CSMD1: variants seen among roughly 807,000 people sequenced by gnomAD.
CSMD1 encodes the protein CUB and sushi domain-containing protein 1.
In CSMD1, 213 loss-of-function variants were observed where a neutral mutation model predicts 417.5. The ratio of observed to expected loss-of-function variants is 0.51; its 90% confidence interval spans 0.46 to 0.57. The LOEUF (loss-of-function observed/expected upper bound fraction) is 0.57. Ranked by LOEUF, CSMD1 falls within the 20% of genes least tolerant of loss-of-function variation. The pLI is 0.00. For synonymous variants in CSMD1, 2,862 were observed against 1,736.8 expected (o/e 1.65, Z -16.11); for missense variants, 6,923 against 4,529.7 (o/e 1.53, Z -15.17).
chr8:4,067,798 G>A (rs186245894), intron 3 of CSMD1, among the ~76,000 whole-genome samples: 1 of 152,156 alleles, frequency 6.6e-6, no homozygotes, highest in East Asian at 1.9e-4. Flanking sequence ...CTAAAATGGG[G>A]CCAGATACAG....
chr8:4,229,153 T>G (rs1323820149), intron 3 of CSMD1, among the ~76,000 whole-genome samples: 1 of 152,302 alleles, frequency 6.6e-6, no homozygotes, highest in East Asian at 1.9e-4. Flanking sequence ...CTTTTTCTAT[T>G]TGGGCAGGAC....
chr8:4,477,090 G>A (rs1265717258), intron 2 of CSMD1, among the ~76,000 whole-genome samples: 1 of 152,204 alleles, frequency 6.6e-6, no homozygotes, highest in Non-Finnish European at 1.5e-5. Flanking sequence ...AAGAGCAGGT[G>A]TGAGCACTCC....
At chr8:2,964,270 T>C (rs544299632) in intron 59 of CSMD1, among the ~76,000 whole-genome samples, 21 of 152,340 alleles carry the variant, frequency 1.4e-4, no homozygotes, top group African/African-American at 4.1e-4. Flanking sequence ...AAATCACATG[T>C]GCACACCCAA....
chr8:4,229,127 G>C (rs1164640736), intron 3 of CSMD1, among the ~76,000 whole-genome samples: 1 of 152,160 alleles, frequency 6.6e-6, no homozygotes, highest in Non-Finnish European at 1.5e-5. Context: ...TTCCCAGCTT[G>C]CTAGAGAATA....
intron 39 of CSMD1, among the ~76,000 whole-genome samples, chr8:3,152,328 A>G (rs975890810): frequency 6.6e-6 from 1 of 152,236 alleles, no homozygotes; most frequent in Non-Finnish European, 1.5e-5. Context: ...ATCTTTGATC[A>G]TTTGTAGCCT....
intron 54 of CSMD1, among the ~76,000 whole-genome samples, chr8:2,986,286 C>T (rs1336429554): frequency 6.6e-6 from 1 of 152,126 alleles, no homozygotes; most frequent in Non-Finnish European, 1.5e-5. Flanking sequence ...CTCTCAAAAA[C>T]CTATGAAGAG....
rs570270281 is a variant in CSMD1 at position 4,147,299 on chromosome 8, C to T, written c.416-115200G>A. Among the ~76,000 whole-genome samples, 4 of 152,240 alleles carry T rather than the reference C, an allele frequency of 2.6e-5. No individual in the cohort carries two copies. The South Asian group carries it at 8.3e-4, about 32-fold the overall frequency. On this transcript the variant is annotated intron_variant, in intron 3 of 69. Coordinates refer to ENST00000635120, the MANE Select transcript of CSMD1 (RefSeq NM_033225.6). ...GCGTAATTCCATACAAAGTTCCCAGCGGGGAAGGGGAAGCCTTCTGTATGC... is the reference window on the plus strand; with the variant it reads ...GCGTAATTCCATACAAAGTTCCCAGTGGGGAAGGGGAAGCCTTCTGTATGC...
chr8:3,426,932 C>A (rs932085786), intron 12 of CSMD1, among the ~76,000 whole-genome samples: 5 of 152,134 alleles, frequency 3.3e-5, no homozygotes, highest in African/African-American at 1.2e-4. Flanking sequence ...CCTCAGGAAA[C>A]TTACAATCGT....
intron 10 of CSMD1, among the ~76,000 whole-genome samples, chr8:3,511,120 T>C (rs1797048177): frequency 6.6e-6 from 1 of 151,654 alleles, no homozygotes; most frequent in South Asian, 2.1e-4. Flanking sequence ...GTCAGCAAAC[T>C]AACAAAGGAA....
chr8:3,644,805 C>T (rs1156879829), intron 7 of CSMD1, among the ~76,000 whole-genome samples: 2 of 151,808 alleles, frequency 1.3e-5, no homozygotes, highest in Non-Finnish European at 2.9e-5. Context: ...ACAGCATTTC[C>T]ACTTAACATC....
intron 5 of CSMD1, among the ~76,000 whole-genome samples, chr8:3,961,448 CAG>C (rs1323011902): frequency 5.3e-5 from 8 of 152,122 alleles, no homozygotes; most frequent in Non-Finnish European, 1.0e-4. Context: ...ATCTTTGACA[CAG>C]ATTTAAATTA....
At chr8:3,506,873 G>C (rs1272848090) in intron 10 of CSMD1, among the ~76,000 whole-genome samples, 1 of 152,100 alleles carries the variant, frequency 6.6e-6, no homozygotes, top group Non-Finnish European at 1.5e-5. Context: ...AAAGTGTAAT[G>C]ACACTATTTG....
At chr8:4,228,122 G>T (rs1056969040) in intron 3 of CSMD1, among the ~76,000 whole-genome samples, 2 of 152,070 alleles carry the variant, frequency 1.3e-5, no homozygotes, top group Non-Finnish European at 2.9e-5. Context: ...CCCGTAACAG[G>T]AGACATACCC....
intron 2 of CSMD1, among the ~76,000 whole-genome samples, chr8:4,532,575 C>A (rs1377004728): frequency 6.8e-6 from 1 of 147,124 alleles, no homozygotes; most frequent in Non-Finnish European, 1.5e-5. Flanking sequence ...AAATCCTGCA[C>A]CCCCATTCAG....
chr8:4,554,523 G>T (rs1798006660), intron 2 of CSMD1, among the ~76,000 whole-genome samples: 1 of 152,164 alleles, frequency 6.6e-6, no homozygotes, highest in Non-Finnish European at 1.5e-5. Flanking sequence ...TGGCTTTATA[G>T]AAATTACTGG....
chr8:4,747,286 C>G (rs1329708527), intron 1 of CSMD1, among the ~76,000 whole-genome samples: 2 of 152,150 alleles, frequency 1.3e-5, no homozygotes, highest in African/African-American at 4.8e-5. Context: ...GCCCTATTTT[C>G]TACTCTGAAC....
intron 1 of CSMD1, among the ~76,000 whole-genome samples, chr8:4,774,543 G>A (rs943899686): frequency 1.3e-5 from 2 of 152,152 alleles, no homozygotes; most frequent in African/African-American, 2.4e-5. Flanking sequence ...TGTCCAGGCA[G>A]ACATATAGAC....
At chr8:4,027,521 G>A (rs906342540) in intron 4 of CSMD1, among the ~76,000 whole-genome samples, 15 of 152,078 alleles carry the variant, frequency 9.9e-5, no homozygotes, top group Admixed American at 3.3e-4. Flanking sequence ...CCTTCACTCT[G>A]TACTTCTCGC....
At chr8:4,415,713 G>A (rs990329202) in intron 3 of CSMD1, among the ~76,000 whole-genome samples, 2 of 152,188 alleles carry the variant, frequency 1.3e-5, no homozygotes, top group Non-Finnish European at 2.9e-5. Context: ...ATAAATGAGA[G>A]AAGAAATGAA....
Sources: gnomAD v4.1 joint callset for allele counts (sites outside exome capture counted in the v4.1 genomes callset) on GRCh38, gnomAD v4.1.1 for gene constraint, MANE v1.5 for transcripts, NCBI Gene and HGNC (gene_info 2026-07-23, HGNC 2026-07-21) for gene names.